GLIS3: variants seen among roughly 807,000 people sequenced by gnomAD.
The protein encoded by GLIS3 is GLIS family zinc finger 3.
Under a neutral mutation model 78.6 loss-of-function variants are expected in GLIS3, and 53 were observed. The observed-to-expected ratio is 0.67, with a 90% CI of 0.54 to 0.85. The LOEUF (loss-of-function observed/expected upper bound fraction) is 0.85. Among genes scored for constraint, GLIS3 ranks in the 40% least tolerant of loss-of-function variants. The pLI, the probability that GLIS3 is intolerant of heterozygous loss-of-function variation, is 0.00. For missense variants in GLIS3, 1,703 were observed against 1,231.1 expected (o/e 1.38, Z -5.74); for synonymous variants, 684 against 509.9 (o/e 1.34, Z -4.60).
chr9:4,190,201 G>A (rs1320198390), intron 2 of GLIS3, among the ~76,000 whole-genome samples: 4 of 152,208 alleles, frequency 2.6e-5, no homozygotes, highest in Admixed American at 2.0e-4. Flanking sequence ...TTGACGAGTT[G>A]AGAGTGAAGG....
In GLIS3 at chr9:3,962,833, C is replaced by G. The variant is rs536990317; in HGVS notation, c.1711-25644G>C. Among the ~76,000 whole-genome samples, 70 of 151,552 alleles carry G rather than the reference C, an allele frequency of 4.6e-4. 1 individual carries two copies. Among genetic ancestry groups the G allele is most frequent in the Non-Finnish European group, 6.8e-4 (46 of 67,980 alleles). The stretch of plus-strand genomic sequence containing the variant: ...ACCCTGCACTTTCAGGAGGAGTAAG[C>G]TAAAAACTTGGCAAATGGCATAGTA... On this transcript the variant is annotated intron_variant, in intron 4 of 10. Coordinates refer to ENST00000381971, the MANE Select transcript of GLIS3 (RefSeq NM_001042413.2).
At position 4,125,756 on chromosome 9, in the gene GLIS3, T is replaced by G. The variant is rs1354104802; in HGVS notation, c.574A>C (p.Asn192His). The G allele has an allele frequency of 6.2e-7, 1 of 1,613,654 alleles. No individual in the cohort carries two copies. Among genetic ancestry groups the G allele is most frequent in the Non-Finnish European group, 8.5e-7 (1 of 1,179,910 alleles). The change falls in exon 3 of 11, where the codon AAT becomes CAT. Residue 192 changes from asparagine (N) to histidine (H), a missense_variant. Transcript: ENST00000381971. Reference sequence around the variant, plus strand: ...GACCTGGTATCTGAAGGAGGTATATTCAGGTTGGCTGCATTCATTGCCCTC... The same window carrying G: ...GACCTGGTATCTGAAGGAGGTATATGCAGGTTGGCTGCATTCATTGCCCTC... The part of the protein sequence containing the change: ...LQRAMNAANL[N>H]IPPSDTRSLI...
Position 4,271,385 on chromosome 9 carries a change from C to G in GLIS3, c.388+14653G>C, listed in dbSNP as rs188853008. Among the ~76,000 whole-genome samples, 3 of 152,260 alleles carry G rather than the reference C, an allele frequency of 2.0e-5. No individual in the cohort carries two copies. In the East Asian group the frequency reaches 5.8e-4, roughly 29 times the overall value. On this transcript the variant is annotated intron_variant, in intron 2 of 10. Transcript: ENST00000381971. ...AAATTTCAACTGCATGGGGGGTCAGCACCCCTAACCTCCATATTGTTCAAA... is the reference window on the plus strand; with the variant it reads ...AAATTTCAACTGCATGGGGGGTCAGGACCCCTAACCTCCATATTGTTCAAA...
intron 4 of GLIS3, among the ~76,000 whole-genome samples, chr9:4,106,771 C>T (rs1192305690): frequency 2.0e-5 from 3 of 152,158 alleles, no homozygotes; most frequent in African/African-American, 7.2e-5. Flanking sequence ...AATGGTAGAA[C>T]TCTCAGTGAT....
At chr9:4,409,442 C>G in the GLIS3 span, among the ~76,000 whole-genome samples, 1 of 152,266 alleles carries the variant, frequency 6.6e-6, no homozygotes, top group Non-Finnish European at 1.5e-5. Context: ...TAACAATGAT[C>G]TCCAAACATC....
At chr9:4,307,939 G>C (rs1817269733) in intron 4 of GLIS3, among the ~76,000 whole-genome samples, 1 of 152,122 alleles carries the variant, frequency 6.6e-6, no homozygotes, top group Admixed American at 6.6e-5. Flanking sequence ...GGGTTGTTTA[G>C]GGTGCTATTT....
Position 4,284,655 on chromosome 9 carries a change from A to G in GLIS3, c.388+1383T>C, listed in dbSNP as rs548355987. Among the ~76,000 whole-genome samples, 229 of 152,262 alleles carry G rather than the reference A, an allele frequency of 1.5e-3. 1 individual carries two copies. Among genetic ancestry groups the G allele is most frequent in the Non-Finnish European group, 2.7e-3 (187 of 68,014 alleles). ...GCCTGGCACGGTGGCTCACGCCTGT[A>G]ACGCTAGCACTTTGGGAGGCCAAGG... On this transcript the variant is annotated intron_variant, in intron 2 of 10. Coordinates refer to ENST00000381971, the MANE Select transcript of GLIS3 (RefSeq NM_001042413.2).
chr9:4,032,636 G>C (rs1823942259), intron 4 of GLIS3, among the ~76,000 whole-genome samples: 1 of 152,094 alleles, frequency 6.6e-6, no homozygotes, highest in Admixed American at 6.5e-5. Context: ...AACGTGTCAA[G>C]TGACAAAGGA....
chr9:4,364,756 C>CTTTTT, the GLIS3 span, among the ~76,000 whole-genome samples: 11,060 of 60,954 alleles, frequency 0.18, 2,390 homozygotes, highest in Non-Finnish European at 0.21. Flanking sequence ...TCATGTATTG[C>CTTTTT]TTTTTTTTTT....
chr9:3,847,903 C>A (rs1436445120), intron 9 of GLIS3, among the ~76,000 whole-genome samples: 1 of 152,186 alleles, frequency 6.6e-6, no homozygotes, highest in African/African-American at 2.4e-5. Context: ...TTAATAACAT[C>A]ATGGCTGATA....
intron 4 of GLIS3, among the ~76,000 whole-genome samples, chr9:4,089,154 A>G (rs576499808): frequency 6.6e-6 from 1 of 152,292 alleles, no homozygotes; most frequent in South Asian, 2.1e-4. Context: ...AATAATCCAA[A>G]TATTCATGTC....
chr9:4,229,207 G>C (rs1822042832), intron 2 of GLIS3, among the ~76,000 whole-genome samples: 1 of 152,238 alleles, frequency 6.6e-6, no homozygotes, highest in Non-Finnish European at 1.5e-5. Flanking sequence ...GAGGAAGCCT[G>C]AAGGCATGGG....
At chr9:4,315,721 T>C (rs183464831) in intron 2 of GLIS3, among the ~76,000 whole-genome samples, 19 of 152,282 alleles carry the variant, frequency 1.2e-4, no homozygotes, top group African/African-American at 4.3e-4. Flanking sequence ...CCAGCCTCTC[T>C]TGAGATACTG....
the GLIS3 span, among the ~76,000 whole-genome samples, chr9:4,357,289 T>C: frequency 6.6e-6 from 1 of 152,192 alleles, no homozygotes; most frequent in East Asian, 1.9e-4. Flanking sequence ...ATAAAGCAGA[T>C]TGCCCCTCCC....
chr9:4,482,291 A>G, the GLIS3 span, among the ~76,000 whole-genome samples: 1 of 152,232 alleles, frequency 6.6e-6, no homozygotes, highest in Non-Finnish European at 1.5e-5. Flanking sequence ...TAACTAATAG[A>G]TAAGTTCTTT....
At chr9:4,402,193 T>A in the GLIS3 span, among the ~76,000 whole-genome samples, 1 of 152,168 alleles carries the variant, frequency 6.6e-6, no homozygotes, top group Non-Finnish European at 1.5e-5. Flanking sequence ...CCAGACAATT[T>A]TAGCAGAGAG....
At chr9:4,429,242 T>C in the GLIS3 span, among the ~76,000 whole-genome samples, 1,219 of 152,294 alleles carry the variant, frequency 8.0e-3, 18 homozygotes, top group African/African-American at 0.028. Flanking sequence ...GCTTTCCCGC[T>C]ATTCTTAAGA....
chr9:4,417,875 A>G, the GLIS3 span, among the ~76,000 whole-genome samples: 1 of 152,032 alleles, frequency 6.6e-6, no homozygotes, highest in Non-Finnish European at 1.5e-5. Flanking sequence ...AATCAAGTTT[A>G]TTTTTTATTT....
At chr9:4,254,794 C>T (rs1014829229) in intron 2 of GLIS3, among the ~76,000 whole-genome samples, 4 of 150,184 alleles carry the variant, frequency 2.7e-5, no homozygotes, top group South Asian at 2.1e-4. Context: ...GAGCCAAGAC[C>T]GTGCCACTGC....
Sources: gnomAD v4.1 joint callset for allele counts (sites outside exome capture counted in the v4.1 genomes callset) on GRCh38, gnomAD v4.1.1 for gene constraint, MANE v1.5 for transcripts, NCBI Gene and HGNC (gene_info 2026-07-23, HGNC 2026-07-21) for gene names.